AKAP13: variants seen among roughly 807,000 people sequenced by gnomAD.
AKAP13 encodes the protein A-kinase anchoring protein 13, also known as A-kinase anchor protein 13.
In AKAP13, 80 loss-of-function variants were observed where a neutral mutation model predicts 264.5. The ratio of observed to expected loss-of-function variants is 0.30; its 90% CI spans 0.25 to 0.36. The LOEUF (loss-of-function observed/expected upper bound fraction) is 0.36, where lower values mean the gene tolerates loss of function less well. AKAP13 is among the 10% of genes least tolerant of loss of function. AKAP13 has a pLI of 1.00. For missense variants in AKAP13, 3,712 were observed against 3,435.2 expected, an observed-to-expected ratio of 1.08 and a Z score of -2.01; for synonymous variants, 1,380 against 1,250.2, an observed-to-expected ratio of 1.10 and a Z score of -2.19.
At position 85,715,912 on chromosome 15, in the gene AKAP13, G is replaced by A. The variant is rs1368388385; in HGVS notation, c.5724G>A (p.Gln1908=). Reference sequence around the variant, plus strand: ...CGCTCTCCAAAAGTGTCTCCATACAGAACATTACTGGGTAAGTGGAGATAT... The same window carrying A: ...CGCTCTCCAAAAGTGTCTCCATACAAAACATTACTGGGTAAGTGGAGATAT... ...SVSLSKSVSI[Q]NITGVGNDEN... Residue 1908 remains glutamine (Q), a synonymous_variant, in exon 20 of 37, where the codon CAG becomes CAA. Coordinates refer to ENST00000394518, the MANE Select transcript of AKAP13 (RefSeq NM_007200.5). The A allele has an allele frequency of 3.1e-6, 5 of 1,611,262 alleles. No individual in the cohort carries two copies. The Admixed American group carries it at 6.7e-5, about 22-fold the overall frequency.
intron 1 of AKAP13, among the ~76,000 whole-genome samples, chr15:85,483,696 A>G (rs1287711925): frequency 6.7e-6 from 1 of 149,318 alleles, no homozygotes; most frequent in East Asian, 2.0e-4. Flanking sequence ...CTGTAATCTC[A>G]GCTACTCGAG....
intron 23 of AKAP13, among the ~76,000 whole-genome samples, chr15:85,721,225 A>T (rs914508457): frequency 6.6e-6 from 1 of 152,166 alleles, no homozygotes; most frequent in African/African-American, 2.4e-5. Flanking sequence ...CAGTGGTAGG[A>T]TCAACCTTTG....
chr15:85,731,598 C>T (rs1002032636), intron 30 of AKAP13, among the ~76,000 whole-genome samples: 14 of 152,014 alleles, frequency 9.2e-5, no homozygotes, highest in Non-Finnish European at 1.0e-4. Context: ...TAAATTGTGC[C>T]CTTATAGTGT....
chr15:85,425,392 T>C (rs2072727589), intron 1 of AKAP13, among the ~76,000 whole-genome samples: 2 of 152,144 alleles, frequency 1.3e-5, no homozygotes, highest in Non-Finnish European at 2.9e-5. Context: ...AATGTCAAAC[T>C]AATTTTTTCA....
At chr15:85,655,964 G>T (rs908194920) in intron 11 of AKAP13, among the ~76,000 whole-genome samples, 177 bp downstream of exon 11, 1 of 152,184 alleles carries the variant, frequency 6.6e-6, no homozygotes, top group African/African-American at 2.4e-5. Flanking sequence ...TTACTATGTA[G>T]ATGACCTTGG....
intron 20 of AKAP13, 100 bp downstream of exon 20, chr15:85,716,023 T>G (rs2086914481): frequency 7.2e-7 from 1 of 1,391,486 alleles, no homozygotes; most frequent in Non-Finnish European, 9.5e-7. Flanking sequence ...TTTTAAGAAA[T>G]AAATCTATAA....
chr15:85,488,821 A>AGTGAAAGTCATTTT (rs2075645567), intron 2 of AKAP13, among the ~76,000 whole-genome samples: 1 of 152,246 alleles, frequency 6.6e-6, no homozygotes, highest in Non-Finnish European at 1.5e-5. Context: ...TTTTTAAACA[A>AGTGAAAGTCATTTT]GTGAAAGTCA....
intron 11 of AKAP13, among the ~76,000 whole-genome samples, chr15:85,656,823 A>G (rs1048562611): frequency 6.6e-6 from 1 of 152,214 alleles, no homozygotes; most frequent in African/African-American, 2.4e-5. Flanking sequence ...TGAGTATGGT[A>G]GTGCCTACTA....
At chr15:85,609,689 C>G (rs1292605673) in intron 8 of AKAP13, among the ~76,000 whole-genome samples, 1 of 152,176 alleles carries the variant, frequency 6.6e-6, no homozygotes, top group Non-Finnish European at 1.5e-5. Flanking sequence ...GCTGTTAATG[C>G]TTTTCCTACC....
At chr15:85,659,612 G>A (rs1477442765) in intron 12 of AKAP13, among the ~76,000 whole-genome samples, 1 of 137,334 alleles carries the variant, frequency 7.3e-6, no homozygotes, top group Admixed American at 7.4e-5. Flanking sequence ...AGGTTCTTTG[G>A]AGATACGTTT....
At chr15:85,407,536 G>A (rs532360607) in intron 1 of AKAP13, among the ~76,000 whole-genome samples, 27 of 151,720 alleles carry the variant, frequency 1.8e-4, no homozygotes, top group Admixed American at 8.5e-4. Flanking sequence ...CATCGTGCCC[G>A]GCCTGTGCTG....
At chr15:85,479,911 A>G (rs893974918) in intron 1 of AKAP13, among the ~76,000 whole-genome samples, 1 of 152,144 alleles carries the variant, frequency 6.6e-6, no homozygotes, top group Non-Finnish European at 1.5e-5. Flanking sequence ...TATTGGTTCT[A>G]GGGACTTTTG....
At chr15:85,441,913 A>T (rs1489928131) in intron 1 of AKAP13, among the ~76,000 whole-genome samples, 1 of 152,146 alleles carries the variant, frequency 6.6e-6, no homozygotes, top group African/African-American at 2.4e-5. Context: ...GAGCTTTTCT[A>T]TCATAGTTCA....
chr15:85,438,404 A>T (rs1333378614), intron 1 of AKAP13, among the ~76,000 whole-genome samples: 1 of 151,788 alleles, frequency 6.6e-6, no homozygotes, highest in Non-Finnish European at 1.5e-5. Context: ...AAGGTAATTT[A>T]CAGATTCAAC....
chr15:85,521,692 TTAG>T, intron 3 of AKAP13, 117 bp downstream of exon 3: 1 of 1,177,748 alleles, frequency 8.5e-7, no homozygotes. Flanking sequence ...AAAAAATTTA[TTAG>T]TTTATAAAGC....
intron 1 of AKAP13, among the ~76,000 whole-genome samples, chr15:85,383,591 T>C (rs888799216): frequency 2.0e-5 from 3 of 152,238 alleles, no homozygotes; most frequent in African/African-American, 4.8e-5. Context: ...GTGAGTCTTA[T>C]CGAAGTCTAT....
At chr15:85,669,563 C>T (rs571210241) in intron 13 of AKAP13, among the ~76,000 whole-genome samples, 159 bp from the exon 14 acceptor site, 41 of 152,338 alleles carry the variant, frequency 2.7e-4, no homozygotes, top group African/African-American at 9.1e-4. Context: ...GTAGCAGGAG[C>T]AGACTTTAAC....
chr15:85,474,147 C>G (rs1470118983), intron 1 of AKAP13, among the ~76,000 whole-genome samples: 1 of 152,204 alleles, frequency 6.6e-6, no homozygotes, highest in Admixed American at 6.5e-5. Flanking sequence ...ATGTGGCTGA[C>G]TCTCCATCAG....
chr15:85,423,476 A>G (rs548665426), intron 1 of AKAP13, among the ~76,000 whole-genome samples: 1 of 152,356 alleles, frequency 6.6e-6, no homozygotes, highest in East Asian at 1.9e-4. Context: ...GCAACCTGCC[A>G]TCTGTTCAAG....
Sources: allele counts gnomAD v4.1 joint callset (sites outside exome capture counted in the v4.1 genomes callset), GRCh38; gene constraint gnomAD v4.1.1; transcripts MANE v1.5; gene names NCBI Gene and HGNC (gene_info 2026-07-23, HGNC 2026-07-21).